Variants in SLC18B1 observed in about 807,000 individuals in gnomAD.
SLC18B1 encodes the protein MFS-type transporter SLC18B1.
SLC18B1 carries 62 observed loss-of-function variants against 53.9 expected under a neutral mutation model. The ratio of observed to expected loss-of-function variants is 1.15; its 90% CI spans 0.94 to 1.42. The LOEUF is 1.42. SLC18B1 is among the 40% of genes most tolerant of loss of function. SLC18B1 has a pLI of 0.00. For synonymous variants in SLC18B1, 217 were observed against 200.9 expected (o/e 1.08, Z -0.68); for missense variants, 598 against 547.3 (o/e 1.09, Z -0.93).
In SLC18B1 at chr6:132,790,192, C is replaced by A; in HGVS notation, c.264G>T (p.Leu88Phe). The stretch of plus-strand genomic sequence containing the variant: ...TTATACTTACATAGTTTCCAAATAC[C>A]AAGGATGCCAGCAACTCGAACAAAG... ...CFALFELLAS[L>F]VFGNYLVHIG... The change falls in exon 3 of 14, where the codon TTG becomes TTT. Residue 88 changes from leucine to phenylalanine, a missense_variant. Transcript: ENST00000275227. The A allele has an allele frequency of 6.4e-7, 1 of 1,568,184 alleles. No individual in the cohort carries two copies. Among genetic ancestry groups the A allele is most frequent in the East Asian group, 2.3e-5 (1 of 43,490 alleles).
intron 2 of SLC18B1, among the ~76,000 whole-genome samples, chr6:132,794,774 T>C (rs1781629944): frequency 6.6e-6 from 1 of 152,174 alleles, no homozygotes; most frequent in South Asian, 2.1e-4. Flanking sequence ...GCCAACATGG[T>C]GGACGGATTG....
chr6:132,798,534 G>A lies in SLC18B1; in HGVS notation c.-78C>T, dbSNP rs1781758625. The A allele has an allele frequency of 1.1e-5, 15 of 1,356,672 alleles. No individual in the cohort carries two copies. The highest frequency in any genetic ancestry group is 1.4e-5 in the Non-Finnish European group (15 of 1,038,620). 84.0% of individuals were successfully genotyped at this position (1,356,672 alleles called of 1,614,324 possible). ...GGACTCGACCTCCAAGGAGCCACTG[G>A]CACTCTGGCGGGCGGCCGCTGCTCA... On this transcript the variant is annotated 5_prime_UTR_variant, in exon 1 of 14. Coordinates refer to ENST00000275227, the MANE Select transcript of SLC18B1 (RefSeq NM_052831.3).
At chr6:132,788,819 T>A (rs1262723128) in intron 4 of SLC18B1, among the ~76,000 whole-genome samples, 8 of 118,396 alleles carry the variant, frequency 6.8e-5, no homozygotes, top group Non-Finnish European at 9.6e-5. Flanking sequence ...TGAGACTCCA[T>A]CTCAAAAAGA....
Position 132,792,284 on chromosome 6 carries a change from G to GAAAGAAAGAAAGAAAGAAAGAAAGAAAGA in SLC18B1, c.184-2013_184-2012insTCTTTCTTTCTTTCTTTCTTTCTTTCTTT, listed in dbSNP as rs1461079612. On this transcript the variant is annotated intron_variant, in intron 2 of 13. Coordinates refer to ENST00000275227, the MANE Select transcript of SLC18B1 (RefSeq NM_052831.3). ...GAAAGAAAGAAAGAAAGAAAGAAAG[G>GAAAGAAAGAAAGAAAGAAAGAAAGAAAGA]AAGAAAGGAAGGAAGGAAGGAAGGA... 3.5e-3 allele frequency among the ~76,000 whole-genome samples: 132 copies of GAAAGAAAGAAAGAAAGAAAGAAAGAAAGA among 37,786 alleles called. 41 individuals are homozygous for GAAAGAAAGAAAGAAAGAAAGAAAGAAAGA. The highest frequency in any genetic ancestry group is 5.3e-3 in the East Asian group (8 of 1,512). 24.8% of individuals were successfully genotyped at this position (37,786 alleles called of 152,430 possible).
At chr6:132,779,456 C>T in intron 6 of SLC18B1, 52 bp from the exon 7 acceptor site, 2 of 1,555,344 alleles carry the variant, frequency 1.3e-6, no homozygotes, top group Non-Finnish European at 1.7e-6. Context: ...ATTAAAATCT[C>T]TTAATTTTAA....
chr6:132,784,087 T>C lies in SLC18B1; in HGVS notation c.504A>G (p.Gly168=). The C allele has an allele frequency of 6.4e-7, 1 of 1,553,222 alleles. No individual in the cohort carries two copies. The highest frequency in any genetic ancestry group is 8.6e-7 in the Non-Finnish European group (1 of 1,157,226). ...AFPNNVATVL[G]SLETFSGLGL... Reference sequence around the variant, plus strand: ...CCAGTCCAGAAAAAGTCTCAAGACTTCCCTTAAAATGAGAAAAAGAAAAAA... The same window carrying C: ...CCAGTCCAGAAAAAGTCTCAAGACTCCCCTTAAAATGAGAAAAAGAAAAAA... Residue 168 remains glycine (G), a splice_region_variant and synonymous_variant, in exon 6 of 14, where the codon GGA becomes GGG. Transcript: ENST00000275227.
At position 132,787,525 on chromosome 6, in the gene SLC18B1, C is replaced by G; in HGVS notation, c.410G>C (p.Arg137Thr). ...PVFIAMCFLV[R>T]VMDAVSFAAA... is the part of the protein sequence containing the mutation. Reference sequence around the variant, plus strand: ...AGCAAAGCTAACTGCATCCATTACTCTCACTAGAAAACACATAGCAATAAA... The same window carrying G: ...AGCAAAGCTAACTGCATCCATTACTGTCACTAGAAAACACATAGCAATAAA... The change falls in exon 5 of 14, where the codon AGA (arginine) becomes ACA (threonine). Residue 137 changes from arginine (R) to threonine (T), a missense_variant. Arg to Thr is a moderately conservative substitution (Grantham distance 71, BLOSUM62 -1). Coordinates refer to ENST00000275227, the MANE Select transcript of SLC18B1 (RefSeq NM_052831.3). The G allele has an allele frequency of 6.2e-7, 1 of 1,610,898 alleles. No homozygotes were observed. Among genetic ancestry groups the G allele is most frequent in the African/African-American group, 1.3e-5 (1 of 74,692 alleles).
chr6:132,792,859 C>T (rs114400585), intron 2 of SLC18B1, among the ~76,000 whole-genome samples: 217 of 152,304 alleles, frequency 1.4e-3, no homozygotes, highest in African/African-American at 5.1e-3. Context: ...TGGCTCACTC[C>T]TGTAATTCCA....
At position 132,787,479 on chromosome 6, in the gene SLC18B1, A is replaced by G. The variant is rs146545843; in HGVS notation, c.456T>C (p.Ser152=). 58 of 1,606,972 alleles carry G rather than the reference A, an allele frequency of 3.6e-5. No individual in the cohort carries two copies. Among genetic ancestry groups the G allele is most frequent in the Non-Finnish European group, 4.8e-5 (57 of 1,177,616 alleles). ...VSFAAAMTAS[S]SILAKAFPNN... Reference sequence around the variant, plus strand: ...TTGGAAAAGCCTTTGCCAGGATAGAAGAAGATGCAGTCATTGCTGCAGCAA... The same window carrying G: ...TTGGAAAAGCCTTTGCCAGGATAGAGGAAGATGCAGTCATTGCTGCAGCAA... Residue 152 remains serine, a synonymous_variant, in exon 5 of 14, where the codon TCT becomes TCC. Transcript: ENST00000275227.
At chr6:132,784,205 A>T in intron 5 of SLC18B1, 116 bp from the exon 6 acceptor site, 1 of 700,258 alleles carries the variant, frequency 1.4e-6, no homozygotes, top group Non-Finnish European at 2.1e-6. Flanking sequence ...CACTCCCAAG[A>T]TGGCCCCAAA....
At chr6:132,780,283 G>A (rs1321241596) in intron 6 of SLC18B1, among the ~76,000 whole-genome samples, 2 of 151,712 alleles carry the variant, frequency 1.3e-5, no homozygotes, top group Non-Finnish European at 2.9e-5. Flanking sequence ...AAATTTTTTA[G>A]AGATGGGGTC....
chr6:132,797,221 C>A lies in SLC18B1; in HGVS notation c.44-100G>T, dbSNP rs928852862. On this transcript the variant is annotated intron_variant, in intron 1 of 13. Coordinates refer to ENST00000275227, the MANE Select transcript of SLC18B1 (RefSeq NM_052831.3). ...CACATATGTTGCACTCTGAAGATAT[C>A]ATTTGCTAAGCTTAGGGCTATTTTG... The A allele has an allele frequency of 5.5e-6, 8 of 1,445,864 alleles. No homozygotes were observed. The African/African-American group carries it at 8.5e-5, about 15-fold the overall frequency. The allele number at this position is 1,445,864 out of a possible 1,614,324, so 89.6% of individuals were successfully genotyped here. A position where few individuals can be genotyped will look rare whatever the true frequency, so the allele number is the denominator to read the frequency against.
At chr6:132,790,902 C>T (rs1342268233) in intron 2 of SLC18B1, among the ~76,000 whole-genome samples, 1 of 152,192 alleles carries the variant, frequency 6.6e-6, no homozygotes, top group Non-Finnish European at 1.5e-5. Flanking sequence ...CCATCAATTA[C>T]AGTTACTAAT....
intron 5 of SLC18B1, 105 bp downstream of exon 5, chr6:132,787,329 T>A: frequency 1.8e-6 from 2 of 1,127,354 alleles, no homozygotes; most frequent in Non-Finnish European, 2.4e-6. Context: ...ATACAGAGAG[T>A]AGAGAAATGC....
chr6:132,773,653 A>G (rs1264396516), intron 9 of SLC18B1, among the ~76,000 whole-genome samples: 1 of 152,248 alleles, frequency 6.6e-6, no homozygotes, highest in East Asian at 1.9e-4. Context: ...TTATTAGTAC[A>G]TGGCAAAGCC....
chr6:132,792,261 A>AGAGAGAGAGAGAGAGAGAGAG (rs1562271322), intron 2 of SLC18B1, among the ~76,000 whole-genome samples: 3 of 40,416 alleles, frequency 7.4e-5, no homozygotes, highest in Non-Finnish European at 1.4e-4. Flanking sequence ...GAAAGAAAGA[A>AGAGAGAGAGAGAGAGAGAGAG]AGAAAGAAAG....
At chr6:132,787,325 A>C in intron 5 of SLC18B1, 109 bp downstream of exon 5, 1 of 1,079,002 alleles carries the variant, frequency 9.3e-7, no homozygotes, top group Non-Finnish European at 1.3e-6. Flanking sequence ...AATAATACAG[A>C]GAGTAGAGAA....
At chr6:132,786,207 C>G (rs953279919) in intron 5 of SLC18B1, among the ~76,000 whole-genome samples, 1 of 152,096 alleles carries the variant, frequency 6.6e-6, no homozygotes, top group Non-Finnish European at 1.5e-5. Flanking sequence ...GCAATAGAAC[C>G]TACCATAAAC....
chr6:132,779,514 C>T, intron 6 of SLC18B1, 110 bp from the exon 7 acceptor site: 1 of 1,237,826 alleles, frequency 8.1e-7, no homozygotes, highest in South Asian at 1.6e-5. Flanking sequence ...ATCAAAATGA[C>T]TCAATCTCTG....
Sources: gnomAD v4.1 joint callset for allele counts (sites outside exome capture counted in the v4.1 genomes callset) on GRCh38, gnomAD v4.1.1 for gene constraint, MANE v1.5 for transcripts, NCBI Gene and HGNC (gene_info 2026-07-23, HGNC 2026-07-21) for gene names.